Variants in ESR2 observed in about 807,000 individuals in gnomAD.
The protein encoded by ESR2 is estrogen receptor 2.
In ESR2, 36 loss-of-function variants were observed where a neutral mutation model predicts 49.6. That is an observed-to-expected ratio of 0.73 (90% confidence interval 0.56 to 0.96). ESR2 has a LOEUF of 0.96. ESR2 is among the 40% of genes least tolerant of loss of function. The pLI is 0.00. For synonymous variants in ESR2, 320 were observed against 266.1 expected, an observed-to-expected ratio of 1.20 and a Z score of -1.97; for missense variants, 714 against 693.0, an observed-to-expected ratio of 1.03 and a Z score of -0.34.
At chr14:64,227,153 G>T (rs1255998), downstream of ESR2, 10 of 234,050 alleles carry the variant, frequency 4.3e-5, no homozygotes, top group Admixed American at 2.7e-4. Context: ...CTGTTGGCAG[G>T]CACAGCTGAC....
intron 4 of ESR2, among the ~76,000 whole-genome samples, chr14:64,266,814 G>T (rs1323370565): frequency 6.6e-6 from 1 of 152,008 alleles, no homozygotes; most frequent in Non-Finnish European, 1.5e-5. Flanking sequence ...TTTTCCCCCA[G>T]TCTCACCCAT....
Position 64,230,200 on chromosome 14 carries a change from A to T in ESR2, c.*2937T>A, listed in dbSNP as rs1373404976. Among the ~76,000 whole-genome samples the T allele has an allele frequency of 1.3e-5, 2 of 148,570 alleles. No individual in the cohort carries two copies. Among genetic ancestry groups the T allele is most frequent in the East Asian group, 3.9e-4 (2 of 5,144 alleles). On this transcript the variant is annotated 3_prime_UTR_variant, in exon 9 of 9. Coordinates refer to ENST00000341099, the MANE Select transcript of ESR2 (RefSeq NM_001437.3). ...CAACAGGAGTCAGACCCTGTCTCAA[A>T]AAAAAAAAAAAAAAGGTGTCAAATC...
intron 6 of ESR2, among the ~76,000 whole-genome samples, chr14:64,250,094 G>A (rs1412413209): frequency 6.6e-6 from 1 of 152,184 alleles, no homozygotes; most frequent in Non-Finnish European, 1.5e-5. Flanking sequence ...CCATCGGGAA[G>A]TATTAATGAG....
At chr14:64,293,182 T>C (rs2076900909) in intron 1 of ESR2, among the ~76,000 whole-genome samples, 2 of 152,242 alleles carry the variant, frequency 1.3e-5, no homozygotes, top group African/African-American at 4.8e-5. Context: ...ACATTTGTTT[T>C]ACAACACTCT....
At chr14:64,306,035 C>G (rs1414341834) in intron 1 of ESR2, among the ~76,000 whole-genome samples, 2 of 151,886 alleles carry the variant, frequency 1.3e-5, no homozygotes, top group African/African-American at 4.8e-5. Context: ...ATGGTGAAAC[C>G]CCGTCCCTAG....
chr14:64,337,778 A>G (rs2077549620), intron 1 of ESR2: 1 of 152,166 alleles, frequency 6.6e-6, no homozygotes, highest in Non-Finnish European at 1.5e-5. Context: ...AGCCCCCCAA[A>G]TTTTTTTAAA....
chr14:64,295,024 C>A (rs2076937506), upstream of ESR2, among the ~76,000 whole-genome samples: 1 of 152,208 alleles, frequency 6.6e-6, no homozygotes. Flanking sequence ...GAAGGCCCCT[C>A]GCGCCCCCTG....
chr14:64,310,972 G>A (rs1468079157), intron 1 of ESR2, among the ~76,000 whole-genome samples: 1 of 152,028 alleles, frequency 6.6e-6, no homozygotes, highest in African/African-American at 2.4e-5. Flanking sequence ...CTATTTCCAT[G>A]TTCCTGGTCA....
intron 1 of ESR2, among the ~76,000 whole-genome samples, chr14:64,332,653 A>G (rs2077474979): frequency 6.6e-6 from 1 of 151,684 alleles, no homozygotes; most frequent in Non-Finnish European, 1.5e-5. Flanking sequence ...ACAAAAAATT[A>G]GCCAGGTGTG....
chr14:64,293,798 T>G (rs569662561), intron 1 of ESR2, among the ~76,000 whole-genome samples: 1 of 152,334 alleles, frequency 6.6e-6, no homozygotes, highest in South Asian at 2.1e-4. Context: ...TTATTCATAT[T>G]AGCACAATCA....
intron 2 of ESR2, among the ~76,000 whole-genome samples, chr14:64,282,133 C>T (rs1422535592): frequency 6.6e-6 from 1 of 152,182 alleles, no homozygotes; most frequent in African/African-American, 2.4e-5. Flanking sequence ...CATTTGAGGT[C>T]AGGAGTTCAA....
Position 64,260,594 on chromosome 14 carries a change from C to A in ESR2, c.807G>T (p.Val269=). The part of the protein sequence containing the change: ...LLDALSPEQL[V]LTLLEAEPPH... Reference sequence around the variant, plus strand: ...GCGGCTCAGCCTCCAGGAGGGTGAGCACTAGCTGCTCGGGGCTCAGGGCGT... The same window carrying A: ...GCGGCTCAGCCTCCAGGAGGGTGAGAACTAGCTGCTCGGGGCTCAGGGCGT... Residue 269 remains valine, a synonymous_variant, in exon 5 of 9, where the codon GTG becomes GTT. Transcript: ENST00000341099. The A allele has an allele frequency of 1.2e-6, 2 of 1,610,498 alleles. No individual in the cohort carries two copies. Among genetic ancestry groups the A allele is most frequent in the Admixed American group, 1.7e-5 (1 of 59,504 alleles).
intron 1 of ESR2, among the ~76,000 whole-genome samples, chr14:64,310,043 G>A (rs1293208717): frequency 6.6e-6 from 1 of 151,938 alleles, no homozygotes; most frequent in Non-Finnish European, 1.5e-5. Flanking sequence ...CCGAGATCAC[G>A]CCACTGTACT....
intron 1 of ESR2, among the ~76,000 whole-genome samples, chr14:64,310,940 A>G (rs2077181445): frequency 1.3e-5 from 2 of 152,220 alleles, no homozygotes; most frequent in Admixed American, 1.3e-4. Context: ...ATACTTAACA[A>G]TTCAATCTGT....
Position 64,268,859 on chromosome 14 carries a change from GT to G in ESR2, c.587del (p.Asn196ThrfsTer20). Reference sequence around the variant, plus strand: ...GGCAGGCCTGGCAGCTCTTGCGCCGGTTTTTATCGATTGTACACTGATTTGT... The same window carrying G: ...GGCAGGCCTGGCAGCTCTTGCGCCGGTTTTATCGATTGTACACTGATTTGT... ...PATNQCTIDKNRRKSCQACRL... is the reference protein window; with the variant it reads ...PATNQCTIDKXRRKSCQACRL... On this transcript the variant is annotated frameshift_variant, in exon 4 of 9. Transcript: ENST00000341099. LOFTEE classifies it high-confidence loss of function. 6.2e-7 allele frequency: 1 copy of G among 1,613,888 alleles called. No homozygotes were observed. The highest frequency in any genetic ancestry group is 8.5e-7 in the Non-Finnish European group (1 of 1,179,796).
chr14:64,274,053 C>T (rs2076504735), intron 3 of ESR2, among the ~76,000 whole-genome samples: 1 of 151,892 alleles, frequency 6.6e-6, no homozygotes, highest in South Asian at 2.1e-4. Context: ...TATCCTCCCA[C>T]CTCAGCCTCC....
At position 64,268,896 on chromosome 14, in the gene ESR2, A is replaced by C; in HGVS notation, c.551T>G (p.Ile184Ser). ...KRSIQGHNDY[I>S]CPATNQCTID... ...TGTACACTGATTTGTAGCTGGACAA[A>C]TATAATCATTATGTCCTATAGCAGA... Residue 184 changes from isoleucine (I) to serine (S), a missense_variant, in exon 4 of 9, where the codon ATT becomes AGT. Transcript: ENST00000341099. 1 of 1,607,024 alleles carries C rather than the reference A, an allele frequency of 6.2e-7. No homozygotes were observed. The highest frequency in any genetic ancestry group is 8.5e-7 in the Non-Finnish European group (1 of 1,173,572).
intron 4 of ESR2, among the ~76,000 whole-genome samples, chr14:64,267,879 A>G (rs1217293018): frequency 6.9e-6 from 1 of 145,204 alleles, no homozygotes; most frequent in Non-Finnish European, 1.5e-5. Flanking sequence ...GCGAGACTCC[A>G]TCTCAAAAAA....
In ESR2 at chr14:64,264,698, C is replaced by T. The variant is rs186179817; in HGVS notation, c.653-3950G>A. On this transcript the variant is annotated intron_variant, in intron 4 of 8. Transcript: ENST00000341099. ...CTAGCCTGGGCAACATAGTGAAATCCTGTCTCTACAAAAAATACAAAAATT... is the reference window on the plus strand; with the variant it reads ...CTAGCCTGGGCAACATAGTGAAATCTTGTCTCTACAAAAAATACAAAAATT... 3.5e-3 allele frequency among the ~76,000 whole-genome samples: 533 copies of T among 151,990 alleles called. 1 individual carries two copies. Among genetic ancestry groups the T allele is most frequent in the African/African-American group, 0.012 (502 of 41,462 alleles).
Sources: allele counts gnomAD v4.1 joint callset (sites outside exome capture counted in the v4.1 genomes callset), GRCh38; gene constraint gnomAD v4.1.1; transcripts MANE v1.5; gene names NCBI Gene and HGNC (gene_info 2026-07-23, HGNC 2026-07-21).